ULK4: variants seen among roughly 807,000 people sequenced by gnomAD.
The protein encoded by ULK4 is unc-51 like kinase 4.
ULK4 carries 133 observed loss-of-function variants against 160.6 expected under a neutral mutation model. The ratio of observed to expected loss-of-function variants is 0.83; its 90% confidence interval spans 0.72 to 0.96. ULK4 has a LOEUF of 0.96. Among genes scored for constraint, ULK4 ranks in the 40% least tolerant of loss-of-function variants. The pLI is 0.00. For synonymous variants in ULK4, 534 were observed against 539.8 expected (o/e 0.99, Z 0.15); for missense variants, 1,580 against 1,499.5 (o/e 1.05, Z -0.89).
intron 35 of ULK4, among the ~76,000 whole-genome samples, chr3:41,391,634 C>G (rs2125807738): frequency 6.6e-6 from 1 of 151,910 alleles, no homozygotes; most frequent in African/African-American, 2.4e-5. Flanking sequence ...CTCATCTGGT[C>G]TCTTTAATGA....
chr3:41,713,127 C>T (rs148741221), intron 25 of ULK4, among the ~76,000 whole-genome samples: 107 of 151,574 alleles, frequency 7.1e-4, no homozygotes, highest in Middle Eastern at 3.4e-3. Context: ...GAAGCCTTTG[C>T]CTAAAAAAAA....
chr3:41,826,705 T>A (rs1288928088), intron 18 of ULK4, among the ~76,000 whole-genome samples: 2 of 149,838 alleles, frequency 1.3e-5, no homozygotes, highest in African/African-American at 5.0e-5. Context: ...CACACAATAA[T>A]AATAGGAGAC....
chr3:41,771,452 A>G (rs2039370404), intron 21 of ULK4, among the ~76,000 whole-genome samples: 1 of 152,220 alleles, frequency 6.6e-6, no homozygotes, highest in South Asian at 2.1e-4. Flanking sequence ...GTAAATGTAA[A>G]TTTATGATTT....
At chr3:41,298,523 A>C (rs1448881419) in intron 35 of ULK4, among the ~76,000 whole-genome samples, 1 of 152,166 alleles carries the variant, frequency 6.6e-6, no homozygotes. Flanking sequence ...TCTCCCTTAA[A>C]TCAAAAAGAA....
At position 41,261,202 on chromosome 3, in the gene ULK4, A is replaced by G. The variant is rs576443511; in HGVS notation, c.3679-11628T>C. Reference sequence around the variant, plus strand: ...TTAAATAAGTAAAAAGCCTTGGAGTAAAACGGCTTGGGATTTGCGTCAAGA... The same window carrying G: ...TTAAATAAGTAAAAAGCCTTGGAGTGAAACGGCTTGGGATTTGCGTCAAGA... On this transcript the variant is annotated intron_variant, in intron 35 of 36. Coordinates refer to ENST00000301831, the MANE Select transcript of ULK4 (RefSeq NM_017886.4). Among the ~76,000 whole-genome samples the G allele has an allele frequency of 9.2e-4, 90 of 97,322 alleles. 1 individual carries two copies. The African/African-American group carries it at 9.6e-3, about 10-fold the overall frequency. 63.8% of individuals were successfully genotyped at this position (97,322 alleles called of 152,430 possible).
intron 27 of ULK4, among the ~76,000 whole-genome samples, chr3:41,699,090 T>C (rs1468186058): frequency 1.3e-5 from 2 of 152,334 alleles, no homozygotes; most frequent in Admixed American, 6.5e-5. Flanking sequence ...TTTTAGCTCA[T>C]TTCTATTGAA....
Position 41,398,139 on chromosome 3 carries a change from T to C in ULK4, c.3618A>G (p.Leu1206=), listed in dbSNP as rs372869994. 45 of 1,613,562 alleles carry C rather than the reference T, an allele frequency of 2.8e-5. No homozygotes were observed. The highest frequency in any genetic ancestry group is 3.6e-5 in the Non-Finnish European group (43 of 1,179,668). The stretch of plus-strand genomic sequence containing the variant: ...CCTTTGGGTCCTCCTTGGATGTCAG[T>C]AAATGAGCAAAAATTTCCACATTTT... ...SPENVEIFAH[L]LTSKEDPKEQ... The change falls in exon 35 of 37, where the codon TTA becomes TTG. Residue 1206 remains leucine (L), a synonymous_variant. Coordinates refer to ENST00000301831, the MANE Select transcript of ULK4 (RefSeq NM_017886.4).
At chr3:41,455,673 C>T (rs367968820) in intron 33 of ULK4, 78 bp from the exon 34 acceptor site, 31 of 1,339,444 alleles carry the variant, frequency 2.3e-5, no homozygotes, top group South Asian at 8.4e-5. Context: ...ACCACTCCAT[C>T]GGGCAGACAC....
intron 17 of ULK4, among the ~76,000 whole-genome samples, chr3:41,883,235 C>T (rs902221634): frequency 6.6e-6 from 1 of 152,108 alleles, no homozygotes; most frequent in African/African-American, 2.4e-5. Context: ...CTACAGTGGA[C>T]AAGACAGACA....
chr3:41,567,310 A>G (rs573893332), intron 31 of ULK4, among the ~76,000 whole-genome samples: 1 of 152,290 alleles, frequency 6.6e-6, no homozygotes, highest in East Asian at 1.9e-4. Flanking sequence ...ATGTATTAGA[A>G]GATAGCAAGT....
rs555959352 is a variant in ULK4 at position 41,471,637 on chromosome 3, G to T, written c.3227-8384C>A. On this transcript the variant is annotated intron_variant, in intron 32 of 36. Transcript: ENST00000301831. The stretch of plus-strand genomic sequence containing the variant: ...TCACAAGTATTCACAAATTTAAGAA[G>T]ACTGAAATAATAACAAGTACCTTTA... Among the ~76,000 whole-genome samples, 9 of 152,216 alleles carry T rather than the reference G, an allele frequency of 5.9e-5. No individual in the cohort carries two copies. The South Asian group carries it at 1.9e-3, about 32-fold the overall frequency.
intron 35 of ULK4, among the ~76,000 whole-genome samples, chr3:41,385,642 C>T (rs1248776090): frequency 2.0e-5 from 3 of 152,180 alleles, no homozygotes; most frequent in African/African-American, 7.2e-5. Flanking sequence ...ATGAACAATA[C>T]ACTAAGATTT....
chr3:41,797,940 GAAAA>G (rs1222649195), intron 20 of ULK4, among the ~76,000 whole-genome samples: 1 of 151,342 alleles, frequency 6.6e-6, no homozygotes, highest in Non-Finnish European at 1.5e-5. Flanking sequence ...GAAAAGAAAA[GAAAA>G]AAGAAAGAAA....
intron 31 of ULK4, among the ~76,000 whole-genome samples, chr3:41,567,942 C>A (rs137897203): frequency 3.9e-5 from 6 of 152,112 alleles, no homozygotes; most frequent in African/African-American, 1.4e-4. Context: ...TTACCCTAAC[C>A]GTGTTGTATC....
intron 31 of ULK4, among the ~76,000 whole-genome samples, chr3:41,566,465 T>C (rs1377694789): frequency 6.6e-6 from 1 of 152,166 alleles, no homozygotes; most frequent in Non-Finnish European, 1.5e-5. Flanking sequence ...TGAAGATGAG[T>C]TTGATATCAC....
At chr3:41,278,221 G>A (rs1481969381) in intron 35 of ULK4, 1 of 152,488 alleles carries the variant, frequency 6.6e-6, no homozygotes, top group Non-Finnish European at 1.5e-5. Context: ...CAACCTGTAA[G>A]GCTGCAGCCC....
chr3:41,590,200 T>C (rs1416471164), intron 31 of ULK4, among the ~76,000 whole-genome samples: 2 of 151,670 alleles, frequency 1.3e-5, no homozygotes, highest in African/African-American at 2.4e-5. Flanking sequence ...GACAGGGTTT[T>C]ACCCTGTTAG....
intron 35 of ULK4, among the ~76,000 whole-genome samples, chr3:41,369,752 C>T (rs569059962): frequency 9.0e-4 from 136 of 150,828 alleles, no homozygotes; most frequent in African/African-American, 2.8e-3. Flanking sequence ...TGAGATCATG[C>T]CACTGCACTC....
chr3:41,859,504 C>T, intron 17 of ULK4: 1 of 547,896 alleles, frequency 1.8e-6, no homozygotes, highest in Non-Finnish European at 3.7e-6. Flanking sequence ...CCAGTAAGGA[C>T]CCTTAGGGAT....
Sources: gnomAD v4.1 joint callset for allele counts (sites outside exome capture counted in the v4.1 genomes callset) on GRCh38, gnomAD v4.1.1 for gene constraint, MANE v1.5 for transcripts, NCBI Gene and HGNC (gene_info 2026-07-23, HGNC 2026-07-21) for gene names.